Variants in TBC1D22A observed in about 807,000 individuals in gnomAD.
The protein encoded by TBC1D22A is TBC1 domain family member 22A, also known as putative GTPase activator.
In TBC1D22A, 38 loss-of-function variants were observed where a neutral mutation model predicts 60.2. The observed-to-expected ratio is 0.63, with a 90% confidence interval of 0.49 to 0.83. The LOEUF (loss-of-function observed/expected upper bound fraction) is 0.83. TBC1D22A is among the 40% of genes least tolerant of loss of function. The pLI, the probability that TBC1D22A is intolerant of heterozygous loss-of-function variation, is 0.00. For missense variants in TBC1D22A, 628 were observed against 701.0 expected (o/e 0.90, Z 1.18); for synonymous variants, 302 against 281.7 (o/e 1.07, Z -0.72).
chr22:46,987,837 C>T (rs576172280), intron 9 of TBC1D22A, among the ~76,000 whole-genome samples: 1 of 152,280 alleles, frequency 6.6e-6, no homozygotes, highest in East Asian at 1.9e-4. Context: ...GTGGAGTCTT[C>T]TTTTCCTGAA....
At chr22:46,775,011 A>G (rs540212401) in intron 1 of TBC1D22A, among the ~76,000 whole-genome samples, 1 of 152,380 alleles carries the variant, frequency 6.6e-6, no homozygotes, top group Non-Finnish European at 1.5e-5. Context: ...TAAAAAATAA[A>G]ATAGGCTTGC....
intron 12 of TBC1D22A, among the ~76,000 whole-genome samples, chr22:47,118,928 A>T (rs2066172753): frequency 6.6e-6 from 1 of 152,206 alleles, no homozygotes; most frequent in South Asian, 2.1e-4. Flanking sequence ...GAGGCGCGTG[A>T]TCATGAGGTC....
intron 10 of TBC1D22A, among the ~76,000 whole-genome samples, chr22:47,016,344 C>T (rs1047948796): frequency 1.3e-5 from 2 of 152,092 alleles, no homozygotes; most frequent in African/African-American, 4.8e-5. Flanking sequence ...GGTCTTCATC[C>T]CCCACCTCCC....
At chr22:47,112,171 T>A (rs2065872762) in intron 12 of TBC1D22A, among the ~76,000 whole-genome samples, 1 of 152,216 alleles carries the variant, frequency 6.6e-6, no homozygotes, top group Non-Finnish European at 1.5e-5. Context: ...TGGACTAGTG[T>A]CCAGCCCCTG....
chr22:46,911,639 C>T (rs1381646619), intron 7 of TBC1D22A, among the ~76,000 whole-genome samples: 2 of 152,044 alleles, frequency 1.3e-5, no homozygotes, highest in African/African-American at 2.4e-5. Context: ...TCTTAAGGGC[C>T]GTGCGTGGTG....
chr22:46,813,760 C>A (rs892439032), intron 4 of TBC1D22A, among the ~76,000 whole-genome samples: 4 of 152,158 alleles, frequency 2.6e-5, no homozygotes, highest in African/African-American at 7.2e-5. Context: ...CTTCAGGGGC[C>A]AGAATAGCTG....
At chr22:47,046,632 G>A (rs1297973719) in intron 11 of TBC1D22A, among the ~76,000 whole-genome samples, 1 of 152,226 alleles carries the variant, frequency 6.6e-6, no homozygotes, top group Non-Finnish European at 1.5e-5. Flanking sequence ...ACTGGGATCT[G>A]TGGGTAGAAA....
At chr22:46,878,299 GAA>G in intron 4 of TBC1D22A, among the ~76,000 whole-genome samples, 1 of 38,386 alleles carries the variant, frequency 2.6e-5, no homozygotes, top group East Asian at 7.9e-4. Context: ...TGGGGGGAAG[GAA>G]GAGAGAGAAG....
intron 11 of TBC1D22A, among the ~76,000 whole-genome samples, chr22:47,055,871 T>TCGG (rs1569397667): frequency 3.3e-5 from 5 of 151,884 alleles, no homozygotes; most frequent in South Asian, 2.1e-4. Context: ...CCACGGAGGG[T>TCGG]TGATGAGATA....
At chr22:47,167,979 C>A (rs1264445849) in intron 12 of TBC1D22A, among the ~76,000 whole-genome samples, 3 of 152,024 alleles carry the variant, frequency 2.0e-5, no homozygotes. Flanking sequence ...CTATTATTAT[C>A]CCATTTTACA....
intron 12 of TBC1D22A, among the ~76,000 whole-genome samples, chr22:47,171,056 T>C (rs953122932): frequency 6.6e-6 from 1 of 152,124 alleles, no homozygotes; most frequent in Non-Finnish European, 1.5e-5. Context: ...CTGTCCAGGC[T>C]CTGTGCCTGC....
At chr22:46,881,631 A>G (rs1345344941) in intron 5 of TBC1D22A, among the ~76,000 whole-genome samples, 1 of 152,100 alleles carries the variant, frequency 6.6e-6, no homozygotes, top group Non-Finnish European at 1.5e-5. Context: ...TTGTAAGGGG[A>G]GGCTGCTCTT....
intron 9 of TBC1D22A, among the ~76,000 whole-genome samples, chr22:46,975,878 AAT>A (rs756154630): frequency 6.6e-6 from 1 of 152,158 alleles, no homozygotes; most frequent in East Asian, 1.9e-4. Flanking sequence ...GCGGTTGGAG[AAT>A]GGAAACCTCG....
chr22:46,932,421 T>C (rs1289529513), intron 8 of TBC1D22A, among the ~76,000 whole-genome samples: 1 of 152,274 alleles, frequency 6.6e-6, no homozygotes, highest in African/African-American at 2.4e-5. Flanking sequence ...TTGCAATATT[T>C]GTCCTTCAGC....
chr22:46,860,872 G>A (rs2087839656), intron 4 of TBC1D22A, among the ~76,000 whole-genome samples: 1 of 152,258 alleles, frequency 6.6e-6, no homozygotes, highest in Non-Finnish European at 1.5e-5. Flanking sequence ...GTTACAGGGT[G>A]TGGGACAGAG....
intron 4 of TBC1D22A, among the ~76,000 whole-genome samples, chr22:46,838,416 C>T (rs770166384): frequency 7.2e-5 from 11 of 152,154 alleles, no homozygotes; most frequent in Admixed American, 1.3e-4. Flanking sequence ...AATCAGTAAT[C>T]GGATACATCC....
chr22:46,771,846 C>T (rs986367229), intron 1 of TBC1D22A, among the ~76,000 whole-genome samples: 5 of 152,160 alleles, frequency 3.3e-5, no homozygotes, highest in Non-Finnish European at 7.4e-5. Flanking sequence ...CCACCCGCCT[C>T]GGCCTCCCAG....
intron 11 of TBC1D22A, among the ~76,000 whole-genome samples, chr22:47,083,790 C>G (rs1234225569): frequency 6.6e-6 from 1 of 152,168 alleles, no homozygotes; most frequent in Non-Finnish European, 1.5e-5. Context: ...AAGAAGTACT[C>G]AACATTACTC....
chr22:46,779,962 T>G (rs1056514816), intron 1 of TBC1D22A, among the ~76,000 whole-genome samples: 4 of 152,252 alleles, frequency 2.6e-5, no homozygotes, highest in African/African-American at 4.8e-5. Context: ...GGCACAAGTT[T>G]CAGATTATGC....
Sources: gnomAD v4.1 joint callset for allele counts (sites outside exome capture counted in the v4.1 genomes callset) on GRCh38, gnomAD v4.1.1 for gene constraint, MANE v1.5 for transcripts, NCBI Gene and HGNC (gene_info 2026-07-23, HGNC 2026-07-21) for gene names.